SPOCK2: variants seen among roughly 807,000 people sequenced by gnomAD.
SPOCK2 encodes SPARC (osteonectin), cwcv and kazal like domains proteoglycan 2.
In SPOCK2, 39 loss-of-function variants were observed where a neutral mutation model predicts 60.1. The observed-to-expected ratio is 0.65, with a 90% CI of 0.50 to 0.85. The LOEUF is 0.85. SPOCK2 is among the 40% of genes least tolerant of loss of function. The pLI, the probability that SPOCK2 is intolerant of heterozygous loss-of-function variation, is 0.00. For synonymous variants in SPOCK2, 217 were observed against 231.5 expected, an observed-to-expected ratio of 0.94 and a Z score of 0.57; for missense variants, 523 against 567.4, an observed-to-expected ratio of 0.92 and a Z score of 0.80.
chr10:72,062,977 GC>G lies in SPOCK2; in HGVS notation c.1129+47del. On this transcript the variant is annotated intron_variant, in intron 10 of 10. Transcript: ENST00000373109. The surrounding 1 kb of genome is among the most constrained non-coding windows in gnomAD (Gnocchi z 4.3). ...CACCCCCCAGCATCCCACGACAAGGGCCCCCAGGCCTGGGCCCCCAGCAGGC... is the reference window on the plus strand; with the variant it reads ...CACCCCCCAGCATCCCACGACAAGGGCCCCAGGCCTGGGCCCCCAGCAGGC... The G allele has an allele frequency of 2.5e-6, 4 of 1,576,226 alleles. No homozygotes were observed. The highest frequency in any genetic ancestry group is 1.7e-6 in the Non-Finnish European group (2 of 1,163,122).
chr10:72,072,237 G>C lies in SPOCK2; in HGVS notation c.266C>G (p.Pro89Arg). The C allele has an allele frequency of 6.5e-7, 1 of 1,543,856 alleles. No individual in the cohort carries two copies. Reference protein sequence around the residue: ...GDEALDTTKDPCQKVKCSRHK... With the variant: ...GDEALDTTKDRCQKVKCSRHK... ...GCGGCTGCACTTCACCTTCTGGCAG[G>C]GGTCCTTGGTGGTATCCAGGGCTGC... is the stretch of plus-strand genomic sequence containing the variant. The change falls in exon 4 of 11, where the codon CCC (proline) becomes CGC (arginine). Residue 89 changes from proline to arginine, a missense_variant. Transcript: ENST00000373109.
At chr10:72,082,932 G>T (rs1017157763) in intron 1 of SPOCK2, among the ~76,000 whole-genome samples, 5 of 37,122 alleles carry the variant, frequency 1.3e-4, no homozygotes, top group African/African-American at 5.5e-4. Context: ...GGCTATAATG[G>T]CCAGGAAGAG....
chr10:72,064,303 C>T (rs1219676095), intron 8 of SPOCK2, 63 bp from the exon 9 acceptor site: 1 of 1,469,034 alleles, frequency 6.8e-7, no homozygotes, highest in Non-Finnish European at 9.0e-7. Flanking sequence ...TGCACTGAGC[C>T]CTTCAAGGCT....
chr10:72,070,286 C>T (rs1291647214), intron 5 of SPOCK2, 26 bp downstream of exon 5: 6 of 1,610,970 alleles, frequency 3.7e-6, no homozygotes, highest in Non-Finnish European at 5.1e-6. Flanking sequence ...TCCACCCCCA[C>T]CCTACCTGGG....
At chr10:72,069,650 G>A (rs1840618513) in intron 5 of SPOCK2, among the ~76,000 whole-genome samples, 2 of 151,950 alleles carry the variant, frequency 1.3e-5, no homozygotes, top group Non-Finnish European at 2.9e-5. Context: ...TAGAGACAGG[G>A]TCTCACTATG....
At position 72,084,824 on chromosome 10, in the gene SPOCK2, G is replaced by A. The variant is rs535872369; in HGVS notation, c.189+3316C>T. ...TCCCAGATCCTTGAGAGGCACAAGA[G>A]ACCACTCAAATTAAAGTGCTTTAAT... On this transcript the variant is annotated intron_variant, in intron 1 of 10. Coordinates refer to ENST00000373109, the MANE Select transcript of SPOCK2 (RefSeq NM_001244950.2). Among the ~76,000 whole-genome samples, 5 of 152,282 alleles carry A rather than the reference G, an allele frequency of 3.3e-5. No homozygotes were observed. In the East Asian group the frequency reaches 9.7e-4, roughly 29 times the overall value.
At chr10:72,082,725 G>C (rs897811754) in intron 1 of SPOCK2, among the ~76,000 whole-genome samples, 1 of 151,814 alleles carries the variant, frequency 6.6e-6, no homozygotes, top group Non-Finnish European at 1.5e-5. Flanking sequence ...ATGGTGGTGT[G>C]TGCCTGTGAT....
rs569452942 is a variant in SPOCK2, at chr10:72,073,456, C to T, written c.190-546G>A. On this transcript the variant is annotated intron_variant, in intron 1 of 10. Coordinates refer to ENST00000373109, the MANE Select transcript of SPOCK2 (RefSeq NM_001244950.2). ...ACATCTCTGCAGAGCTCAGCTCATA[C>T]ACGGAGTGAGGGAGGAGGCCATGCC... Among the ~76,000 whole-genome samples the T allele has an allele frequency of 2.2e-4, 34 of 152,344 alleles. No homozygotes were observed. In the South Asian group the frequency reaches 4.1e-3, roughly 19 times the overall value.
chr10:72,075,947 G>A (rs1194894492), intron 1 of SPOCK2, among the ~76,000 whole-genome samples: 1 of 152,192 alleles, frequency 6.6e-6, no homozygotes, highest in Non-Finnish European at 1.5e-5. Context: ...CTATCTCCCA[G>A]GACTACTCAG....
At chr10:72,068,905 A>G (rs1209739058) in intron 5 of SPOCK2, 1 of 152,466 alleles carries the variant, frequency 6.6e-6, no homozygotes, top group Non-Finnish European at 1.5e-5. Context: ...GCGGCTGCTA[A>G]TGGGAAGCGG....
In SPOCK2 at chr10:72,072,532, C is replaced by T. The variant is rs372660145; in HGVS notation, c.215G>A (p.Ser72Asn). Residue 72 changes from serine to asparagine, a missense_variant, in exon 3 of 11, where the codon AGC becomes AAC. By Grantham distance (46) the Ser-to-Asn change is conservative (BLOSUM62 1). Transcript: ENST00000373109. Reference protein sequence around the residue: ...RDEVEDDYIKSWEDNQQGDEA... With the variant: ...RDEVEDDYIKNWEDNQQGDEA... ...ATCTCCTTGCTGATTGTCCTCCCAG[C>T]TCTTGATATAGTCATCCTAGAGGAC... 2.5e-6 allele frequency: 4 copies of T among 1,613,900 alleles called. No homozygotes were observed. The highest frequency in any genetic ancestry group is 3.4e-6 in the Non-Finnish European group (4 of 1,180,014).
chr10:72,064,275 C>T (rs920795702), intron 8 of SPOCK2, 35 bp from the exon 9 acceptor site: 14 of 1,550,018 alleles, frequency 9.0e-6, no homozygotes, highest in Non-Finnish European at 1.2e-5. Flanking sequence ...ATGGGACTGT[C>T]CCCTGGTGCT....
chr10:72,061,956 C>A lies in SPOCK2; in HGVS notation c.*804G>T. Reference sequence around the variant, plus strand: ...GTTCTACCTGCACCACCTGGGCCACCTGGGACAGACCTCAGACAGCTTGGC... The same window carrying A: ...GTTCTACCTGCACCACCTGGGCCACATGGGACAGACCTCAGACAGCTTGGC... On this transcript the variant is annotated 3_prime_UTR_variant, in exon 11 of 11. Transcript: ENST00000373109. 6.5e-6 allele frequency: 1 copy of A among 153,486 alleles called. No homozygotes were observed. The allele number at this position is 153,486 out of a possible 1,614,324, so 9.5% of individuals were successfully genotyped here.
chr10:72,074,782 C>T (rs1452718715), intron 1 of SPOCK2, among the ~76,000 whole-genome samples: 1 of 152,214 alleles, frequency 6.6e-6, no homozygotes, highest in African/African-American at 2.4e-5. Flanking sequence ...CCTCTCTCTC[C>T]TTCTTCCTCT....
intron 1 of SPOCK2, among the ~76,000 whole-genome samples, chr10:72,076,566 A>T (rs1393683888): frequency 6.6e-6 from 1 of 152,216 alleles, no homozygotes; most frequent in East Asian, 1.9e-4. Flanking sequence ...ACCTATCTAT[A>T]TGAGTAAAGC....
rs575004667 is a variant in SPOCK2, at chr10:72,078,329, C to T, written c.190-5419G>A. 1.4e-4 allele frequency among the ~76,000 whole-genome samples: 21 copies of T among 152,010 alleles called. 1 individual carries two copies. The highest frequency in any genetic ancestry group is 6.2e-4 in the South Asian group (3 of 4,820). On this transcript the variant is annotated intron_variant, in intron 1 of 10. Transcript: ENST00000373109. ...AGGAGATCGAGCACCCTGGATAACA[C>T]GGTAAAACCCCATCTCTACTAAAAA...
rs1001404813 is a variant in SPOCK2 at position 72,068,181 on chromosome 10, C to A, written c.589+6G>T. 6.2e-7 allele frequency: 1 copy of A among 1,606,668 alleles called. No individual in the cohort carries two copies. The highest frequency in any genetic ancestry group is 8.5e-7 in the Non-Finnish European group (1 of 1,177,046). On this transcript the variant is annotated splice_donor_region_variant and intron_variant, in intron 6 of 10. Coordinates refer to ENST00000373109, the MANE Select transcript of SPOCK2 (RefSeq NM_001244950.2). ...CCCTAGCCTGGTGGCCCAGCACTGT[C>A]CTCACCTGGTTTGCCATCGGCGGTG...
intron 1 of SPOCK2, among the ~76,000 whole-genome samples, chr10:72,081,679 G>T (rs1036503131): frequency 5.3e-5 from 8 of 152,220 alleles, no homozygotes; most frequent in African/African-American, 1.9e-4. Flanking sequence ...GGGGACAGTC[G>T]TCCTTCACTT....
intron 1 of SPOCK2, chr10:72,086,677 T>G: frequency 7.7e-7 from 1 of 1,290,920 alleles, no homozygotes; most frequent in Non-Finnish European, 9.9e-7. Context: ...ACAGGTCGCA[T>G]GTGGGGCGAA....
Sources: allele counts gnomAD v4.1 joint callset (sites outside exome capture counted in the v4.1 genomes callset), GRCh38; gene constraint gnomAD v4.1.1; non-coding constraint Gnocchi (gnomAD v3.1); transcripts MANE v1.5; gene names NCBI Gene and HGNC (gene_info 2026-07-23, HGNC 2026-07-21).